CSMD1: variants seen among roughly 807,000 people sequenced by gnomAD.
The protein encoded by CSMD1 is CUB and sushi domain-containing protein 1.
In CSMD1, 213 loss-of-function variants were observed where a neutral mutation model predicts 417.5. The observed-to-expected ratio is 0.51, with a 90% confidence interval of 0.46 to 0.57. CSMD1 has a LOEUF of 0.57. Ranked by LOEUF, CSMD1 falls within the 20% of genes least tolerant of loss-of-function variation. CSMD1 has a pLI of 0.00. For missense variants in CSMD1, 6,923 were observed against 4,529.7 expected (o/e 1.53, Z -15.17); for synonymous variants, 2,862 against 1,736.8 (o/e 1.65, Z -16.11).
intron 5 of CSMD1, among the ~76,000 whole-genome samples, chr8:3,774,051 G>T (rs1056633136): frequency 6.6e-6 from 1 of 152,064 alleles, no homozygotes; most frequent in African/African-American, 2.4e-5. Context: ...TTGGGCTTTT[G>T]CTATTTTCCT....
intron 5 of CSMD1, among the ~76,000 whole-genome samples, chr8:3,844,944 A>T (rs912095059): frequency 6.6e-6 from 1 of 152,166 alleles, no homozygotes; most frequent in African/African-American, 2.4e-5. Flanking sequence ...CTTGATTTTT[A>T]TTTTAATGAA....
intron 1 of CSMD1, among the ~76,000 whole-genome samples, chr8:4,802,346 TGC>T (rs765121324): frequency 6.1e-4 from 84 of 137,454 alleles, no homozygotes; most frequent in South Asian, 8.7e-4. Flanking sequence ...AATGAGTGTG[TGC>T]GCGCGTGTGT....
intron 7 of CSMD1, among the ~76,000 whole-genome samples, chr8:3,664,085 C>G (rs2624089): frequency 0.35 from 53,573 of 151,922 alleles, 10,009 homozygotes; most frequent in African/African-American, 0.47. Context: ...ACAATGTGCA[C>G]GTTTGTTACA....
intron 3 of CSMD1, among the ~76,000 whole-genome samples, chr8:4,050,063 C>A (rs530226325): frequency 2.0e-5 from 3 of 152,102 alleles, no homozygotes; most frequent in African/African-American, 7.2e-5. Flanking sequence ...TCCTGTGGAA[C>A]TTGTCTGGTG....
intron 5 of CSMD1, among the ~76,000 whole-genome samples, chr8:3,758,424 AC>A (rs1268026483): frequency 9.9e-5 from 15 of 152,154 alleles, no homozygotes; most frequent in African/African-American, 3.6e-4. Context: ...ATGTTCATAG[AC>A]TTTTGTTGTT....
At chr8:3,398,241 G>A (rs1375064714) in intron 16 of CSMD1, among the ~76,000 whole-genome samples, 2 of 152,152 alleles carry the variant, frequency 1.3e-5, no homozygotes, top group African/African-American at 4.8e-5. Flanking sequence ...AGTAAGTGGA[G>A]AAATTAGTAA....
chr8:3,239,632 C>A (rs1186606971), intron 26 of CSMD1, among the ~76,000 whole-genome samples: 2 of 152,124 alleles, frequency 1.3e-5, no homozygotes, highest in Non-Finnish European at 2.9e-5. Flanking sequence ...GAAGTTATTT[C>A]CTTGAGGATA....
chr8:4,223,946 C>G (rs905031185), intron 3 of CSMD1, among the ~76,000 whole-genome samples: 1 of 152,162 alleles, frequency 6.6e-6, no homozygotes, highest in African/African-American at 2.4e-5. Flanking sequence ...GTCCTTTGTG[C>G]TTGAACATAC....
At chr8:3,938,618 G>T (rs1810664037) in intron 5 of CSMD1, among the ~76,000 whole-genome samples, 1 of 152,076 alleles carries the variant, frequency 6.6e-6, no homozygotes, top group South Asian at 2.1e-4. Flanking sequence ...CCGAATAAGG[G>T]CTAGGCTGCC....
At position 4,365,204 on chromosome 8, in the gene CSMD1, C is replaced by T. The variant is rs575984974; in HGVS notation, c.415+54749G>A. Among the ~76,000 whole-genome samples the T allele has an allele frequency of 1.2e-4, 19 of 152,130 alleles. No individual in the cohort carries two copies. In the South Asian group the frequency reaches 3.7e-3, roughly 30 times the overall value. On this transcript the variant is annotated intron_variant, in intron 3 of 69. Transcript: ENST00000635120. Reference sequence around the variant, plus strand: ...CTCACAATAAATATTTGCACCTTGTCTATATATAAAAAAAGAGTTTTGTTA... The same window carrying T: ...CTCACAATAAATATTTGCACCTTGTTTATATATAAAAAAAGAGTTTTGTTA...
intron 5 of CSMD1, among the ~76,000 whole-genome samples, chr8:3,861,074 G>C (rs1804669783): frequency 1.3e-5 from 2 of 152,096 alleles, no homozygotes; most frequent in African/African-American, 2.4e-5. Flanking sequence ...TTCAGTATCA[G>C]CTGTAATGCC....
At chr8:3,703,962 T>G (rs1178616460) in intron 7 of CSMD1, among the ~76,000 whole-genome samples, 2 of 151,980 alleles carry the variant, frequency 1.3e-5, no homozygotes, top group African/African-American at 2.4e-5. Flanking sequence ...TCCCTGCTAT[T>G]TGGGAGGCTG....
At position 4,405,757 on chromosome 8, in the gene CSMD1, A is replaced by T. The variant is rs368355418; in HGVS notation, c.415+14196T>A. Reference sequence around the variant, plus strand: ...GTTAGTGCACCACCAGACACCCCAGAAACAGTTTAAGCTGTATTTGAGTTT... The same window carrying T: ...GTTAGTGCACCACCAGACACCCCAGTAACAGTTTAAGCTGTATTTGAGTTT... On this transcript the variant is annotated intron_variant, in intron 3 of 69. Coordinates refer to ENST00000635120, the MANE Select transcript of CSMD1 (RefSeq NM_033225.6). 2.0e-5 allele frequency among the ~76,000 whole-genome samples: 3 copies of T among 152,202 alleles called. 1 individual carries two copies. The highest frequency in any genetic ancestry group is 4.1e-4 in the South Asian group (2 of 4,832).
At chr8:4,024,933 G>C (rs974216218) in intron 4 of CSMD1, among the ~76,000 whole-genome samples, 1 of 152,198 alleles carries the variant, frequency 6.6e-6, no homozygotes, top group African/African-American at 2.4e-5. Context: ...GTGGTGTTCA[G>C]GTGAGGGAGC....
Position 4,155,718 on chromosome 8 carries a change from A to G in CSMD1, c.416-123619T>C, listed in dbSNP as rs188271878. ...CAACAGTGTTCTACTTCGTCAAATC[A>G]CAACAGAAACATTCCTCCGTGTCAG... On this transcript the variant is annotated intron_variant, in intron 3 of 69. Coordinates refer to ENST00000635120, the MANE Select transcript of CSMD1 (RefSeq NM_033225.6). 1.4e-3 allele frequency among the ~76,000 whole-genome samples: 215 copies of G among 152,244 alleles called. 1 individual carries two copies. The highest frequency in any genetic ancestry group is 4.9e-3 in the African/African-American group (203 of 41,526).
intron 3 of CSMD1, among the ~76,000 whole-genome samples, chr8:4,083,492 G>C (rs1452605620): frequency 6.6e-6 from 1 of 152,106 alleles, no homozygotes; most frequent in Non-Finnish European, 1.5e-5. Context: ...CCAAAACAGA[G>C]ATATAGATCA....
intron 2 of CSMD1, among the ~76,000 whole-genome samples, chr8:4,433,379 A>T (rs1385783280): frequency 1.3e-5 from 2 of 152,260 alleles, no homozygotes; most frequent in South Asian, 2.1e-4. Context: ...CATGGACATG[A>T]CATCATTACA....
chr8:3,186,013 G>T (rs1821733096), intron 36 of CSMD1, among the ~76,000 whole-genome samples: 1 of 150,220 alleles, frequency 6.7e-6, no homozygotes. Flanking sequence ...TTTTTCCCAG[G>T]TAGCTTTTTT....
At position 2,965,919 on chromosome 8, in the gene CSMD1, C is replaced by T. The variant is rs1018657906; in HGVS notation, c.9136G>A (p.Gly3046Ser). The change falls in exon 59 of 70, where the codon GGC becomes AGC. Residue 3046 changes from glycine to serine, a missense_variant. Transcript: ENST00000635120. ...SCGDPGTLAN[G>S]IQFGTDFTFN... ...GTGAAGTCGGTCCCAAACTGGATGC[C>T]ATTTGCTAGTGTGCCTGGATCCCCA... The T allele has an allele frequency of 6.2e-7, 1 of 1,609,576 alleles. No individual in the cohort carries two copies. Among genetic ancestry groups the T allele is most frequent in the Non-Finnish European group, 8.5e-7 (1 of 1,178,012 alleles).
Sources: allele counts gnomAD v4.1 joint callset (sites outside exome capture counted in the v4.1 genomes callset), GRCh38; gene constraint gnomAD v4.1.1; transcripts MANE v1.5; gene names NCBI Gene and HGNC (gene_info 2026-07-23, HGNC 2026-07-21).